Variants in USP2 observed in about 807,000 individuals in gnomAD.
The protein encoded by USP2 is ubiquitin specific peptidase 2, also known as ubiquitin carboxyl-terminal hydrolase 2.
Under a neutral mutation model 72.0 loss-of-function variants are expected in USP2, and 33 were observed. That is an observed-to-expected ratio of 0.46 (90% CI 0.35 to 0.61). The LOEUF (loss-of-function observed/expected upper bound fraction) is 0.61, where lower values mean the gene tolerates loss of function less well. Ranked by LOEUF, USP2 falls within the 20% of genes least tolerant of loss-of-function variation. USP2 has a pLI of 0.01. For synonymous variants in USP2, 296 were observed against 312.5 expected, an observed-to-expected ratio of 0.95 and a Z score of 0.56; for missense variants, 691 against 797.8, an observed-to-expected ratio of 0.87 and a Z score of 1.61.
chr11:119,372,194 C>T (rs1950936148), intron 2 of USP2, among the ~76,000 whole-genome samples: 1 of 152,188 alleles, frequency 6.6e-6, no homozygotes, highest in Non-Finnish European at 1.5e-5. Flanking sequence ...CCTGAGTATG[C>T]CAGTGTCACT....
chr11:119,364,581 C>A (rs1317925427), intron 2 of USP2, among the ~76,000 whole-genome samples: 2 of 152,200 alleles, frequency 1.3e-5, no homozygotes, highest in Non-Finnish European at 2.9e-5. Context: ...GAGGGGGCTG[C>A]AAACCATTTT....
rs3751022 is a variant in USP2 at position 119,366,953 on chromosome 11, G to C, written c.774+5754C>G. On this transcript the variant is annotated intron_variant, in intron 2 of 12. Transcript: ENST00000260187. ...CCAGATGCAGAAAGCTTTAGCGTGG[G>C]AGCACTTTGAGAAGTCTGGGGTTGG... Among the ~76,000 whole-genome samples the C allele has an allele frequency of 5.7e-3, 864 of 152,302 alleles. 22 individuals are homozygous for C. In the East Asian group the frequency reaches 0.061, roughly 11 times the overall value.
intron 1 of USP2, among the ~76,000 whole-genome samples, chr11:119,379,497 T>C (rs1253969009): frequency 6.6e-6 from 1 of 152,122 alleles, no homozygotes; most frequent in Non-Finnish European, 1.5e-5. Flanking sequence ...AGAGTAGACC[T>C]AGAGAAAGAA....
chr11:119,381,400 C>T, intron 1 of USP2, 73 bp downstream of exon 1: 1 of 1,482,584 alleles, frequency 6.7e-7, no homozygotes, highest in Non-Finnish European at 9.1e-7. Flanking sequence ...TCGTGGACAC[C>T]TTACTTTCTG....
chr11:119,373,052 T>C lies in USP2; in HGVS notation c.429A>G (p.Gln143=), dbSNP rs370779529. The part of the protein sequence containing the change: ...GVTLTQKLDS[Q]SDLARDFSSL... Reference sequence around the variant, plus strand: ...TGGAGAAATCCCGGGCCAGGTCTGATTGGCTGTCCAGCTTCTGGGTTAGGG... The same window carrying C: ...TGGAGAAATCCCGGGCCAGGTCTGACTGGCTGTCCAGCTTCTGGGTTAGGG... Residue 143 remains glutamine, a synonymous_variant, in exon 2 of 13, where the codon CAA becomes CAG. Transcript: ENST00000260187. 6.8e-6 allele frequency: 11 copies of C among 1,613,830 alleles called. No homozygotes were observed. The highest frequency in any genetic ancestry group is 2.7e-5 in the African/African-American group (2 of 74,906).
intron 2 of USP2, among the ~76,000 whole-genome samples, chr11:119,364,747 G>T (rs912835332): frequency 6.6e-6 from 1 of 152,144 alleles, no homozygotes; most frequent in African/African-American, 2.4e-5. Context: ...GGACCTTCAC[G>T]GCCTAGGGGC....
At chr11:119,360,564 C>T (rs1950747854) in intron 2 of USP2, among the ~76,000 whole-genome samples, 1 of 152,012 alleles carries the variant, frequency 6.6e-6, no homozygotes, top group Non-Finnish European at 1.5e-5. Flanking sequence ...GCTGGGACTA[C>T]AGGTGTGTGC....
At chr11:119,363,451 G>A (rs1257624349) in intron 2 of USP2, among the ~76,000 whole-genome samples, 2 of 152,178 alleles carry the variant, frequency 1.3e-5, no homozygotes, top group Non-Finnish European at 2.9e-5. Flanking sequence ...TTTCTGCCCA[G>A]CCTTCCTCGC....
At chr11:119,379,725 A>G (rs1477714458) in intron 1 of USP2, among the ~76,000 whole-genome samples, 2 of 152,212 alleles carry the variant, frequency 1.3e-5, no homozygotes. Flanking sequence ...ATAGTGGTCT[A>G]TCTCAGTTGT....
intron 1 of USP2, among the ~76,000 whole-genome samples, chr11:119,378,649 T>G (rs1253573298): frequency 6.6e-6 from 1 of 152,174 alleles, no homozygotes; most frequent in East Asian, 1.9e-4. Context: ...CAGGGCAGTT[T>G]CTATAGGGTG....
chr11:119,365,355 G>A (rs1450812722), intron 2 of USP2, among the ~76,000 whole-genome samples: 1 of 152,052 alleles, frequency 6.6e-6, no homozygotes, highest in Non-Finnish European at 1.5e-5. Flanking sequence ...AGAGGGATGG[G>A]GACAGTTGCC....
intron 2 of USP2, among the ~76,000 whole-genome samples, chr11:119,360,859 A>T (rs1950752025): frequency 6.6e-6 from 1 of 152,226 alleles, no homozygotes; most frequent in Non-Finnish European, 1.5e-5. Flanking sequence ...CTAGGAATTC[A>T]TATATTTGGT....
At chr11:119,376,305 A>C (rs891668661) in intron 1 of USP2, 21 of 985,578 alleles carry the variant, frequency 2.1e-5, no homozygotes, top group Non-Finnish European at 2.4e-5. Context: ...CTCGCTGCGC[A>C]AGACAGGGAC....
Position 119,355,982 on chromosome 11 carries a change from A to AC in USP2, c.*852dup, listed in dbSNP as rs1277194564. On this transcript the variant is annotated 3_prime_UTR_variant, in exon 13 of 13. Coordinates refer to ENST00000260187, the MANE Select transcript of USP2 (RefSeq NM_004205.5). ...GAGGGATATTTCAGGAGGGGCAGTT[A>AC]CCCCCTGGTCCCCAAATGCTATAAG... The AC allele has an allele frequency of 6.7e-6, 1 of 148,776 alleles. No homozygotes were observed. Among genetic ancestry groups the AC allele is most frequent in the Non-Finnish European group, 1.5e-5 (1 of 67,430 alleles). The allele number at this position is 148,776 out of a possible 1,614,324, so 9.2% of individuals were successfully genotyped here.
At chr11:119,368,764 T>C (rs73006920) in intron 2 of USP2, among the ~76,000 whole-genome samples, 2 of 152,340 alleles carry the variant, frequency 1.3e-5, no homozygotes, top group African/African-American at 2.4e-5. Context: ...GGTGCCCAGC[T>C]TGCTGACTGT....
In USP2 at chr11:119,356,504, CGGGAAGCGGCGCAG is replaced by C. The variant is rs1950653976; in HGVS notation, c.*317_*330del. On this transcript the variant is annotated 3_prime_UTR_variant, in exon 13 of 13. Transcript: ENST00000260187. The stretch of plus-strand genomic sequence containing the variant: ...CCCCTCGGAGGCGCGGGCGCTGCGG[CGGGAAGCGGCGCAG>C]CGAGGGTCTTCCCCCCCAAGACACA... 6 of 228,318 alleles carry C rather than the reference CGGGAAGCGGCGCAG, an allele frequency of 2.6e-5. No homozygotes were observed. The highest frequency in any genetic ancestry group is 1.7e-5 in the Non-Finnish European group (2 of 117,344). 14.1% of individuals were successfully genotyped at this position (228,318 alleles called of 1,614,324 possible).
rs747615193 is a variant in USP2, at chr11:119,373,179, C to T, written c.302G>A (p.Arg101Gln). The change falls in exon 2 of 13, where the codon CGG becomes CAG. Residue 101 changes from arginine (R) to glutamine (Q), a missense_variant. By Grantham distance (43) the Arg-to-Gln change is conservative (BLOSUM62 1). Transcript: ENST00000260187. ...CCCGCTGAGGCCACTGCCTAAAGGC[C>T]GCTCAGTACCCCGGGTCTGGCTCTC... ...RAESQTRGTE[R>Q]PLGSGLSGGS... 13 of 1,614,020 alleles carry T rather than the reference C, an allele frequency of 8.1e-6. No individual in the cohort carries two copies. The highest frequency in any genetic ancestry group is 2.2e-5 in the East Asian group (1 of 44,900).
At chr11:119,370,939 A>C (rs961731170) in intron 2 of USP2, among the ~76,000 whole-genome samples, 2 of 152,074 alleles carry the variant, frequency 1.3e-5, no homozygotes, top group Non-Finnish European at 2.9e-5. Context: ...CTGTGTGGGG[A>C]GGAGGCAGAT....
At chr11:119,358,324 T>A (rs201508297) in intron 7 of USP2, 72 bp from the exon 8 acceptor site, 2 of 64,094 alleles carry the variant, frequency 3.1e-5, no homozygotes, top group Non-Finnish European at 4.1e-5. Context: ...GCAGCTTTTA[T>A]TTTTTTTTTT....
Sources: gnomAD v4.1 joint callset for allele counts (sites outside exome capture counted in the v4.1 genomes callset) on GRCh38, gnomAD v4.1.1 for gene constraint, MANE v1.5 for transcripts, NCBI Gene and HGNC (gene_info 2026-07-23, HGNC 2026-07-21) for gene names.